Variants in PCDH9 observed in about 807,000 individuals in gnomAD.
The protein encoded by PCDH9 is protocadherin-9.
A neutral mutation model predicts 70.6 loss-of-function variants in PCDH9; 24 were observed. The observed-to-expected ratio is 0.34, with a 90% CI of 0.25 to 0.48. PCDH9 has a LOEUF of 0.48. Among genes scored for constraint, PCDH9 ranks in the 20% least tolerant of loss-of-function variants. PCDH9 has a pLI of 0.99. For missense variants in PCDH9, 1,281 were observed against 1,503.6 expected, an observed-to-expected ratio of 0.85 and a Z score of 2.45; for synonymous variants, 562 against 558.5, an observed-to-expected ratio of 1.01 and a Z score of -0.09.
At chr13:66,930,386 A>G (rs2082787414) in intron 2 of PCDH9, among the ~76,000 whole-genome samples, 1 of 152,190 alleles carries the variant, frequency 6.6e-6, no homozygotes, top group Admixed American at 6.5e-5. Context: ...AACTTCAACT[A>G]AAGATTATTT....
intron 3 of PCDH9, among the ~76,000 whole-genome samples, chr13:66,872,734 A>G (rs536998127): frequency 1.3e-5 from 2 of 152,288 alleles, no homozygotes; most frequent in African/African-American, 4.8e-5. Flanking sequence ...GTGGGATTCA[A>G]CTTGCAAGTC....
intron 3 of PCDH9, among the ~76,000 whole-genome samples, chr13:66,799,029 G>A (rs1284750973): frequency 1.3e-5 from 2 of 152,070 alleles, no homozygotes; most frequent in African/African-American, 4.8e-5. Context: ...TAGCCAGGTT[G>A]GTCTCAAACT....
rs369629041 is a variant in PCDH9, at chr13:67,184,587, G to A, written c.3036+40818C>T. 3.9e-5 allele frequency among the ~76,000 whole-genome samples: 6 copies of A among 152,152 alleles called. No individual in the cohort carries two copies. The East Asian group carries it at 5.8e-4, about 15-fold the overall frequency. ...CTATAAAAAAATAACAAAAATTAGC[G>A]GAGCTTAGAGGCACACAACTGTTGT... On this transcript the variant is annotated intron_variant, in intron 2 of 4. Coordinates refer to ENST00000377865, the MANE Select transcript of PCDH9 (RefSeq NM_203487.3).
chr13:66,674,298 G>C (rs2078214664), intron 3 of PCDH9, among the ~76,000 whole-genome samples: 1 of 151,978 alleles, frequency 6.6e-6, no homozygotes, highest in Admixed American at 6.6e-5. Flanking sequence ...TATTATCACT[G>C]TTATTTTGCT....
intron 3 of PCDH9, among the ~76,000 whole-genome samples, chr13:66,676,498 T>C (rs1173082005): frequency 6.6e-6 from 1 of 152,130 alleles, no homozygotes; most frequent in African/African-American, 2.4e-5. Context: ...AATTCTTATA[T>C]GACTTAAGAT....
intron 3 of PCDH9, among the ~76,000 whole-genome samples, chr13:66,802,047 A>C (rs1357786281): frequency 6.6e-6 from 1 of 151,770 alleles, no homozygotes; most frequent in Non-Finnish European, 1.5e-5. Flanking sequence ...AAGTGTCTTT[A>C]AGTGTGGGAG....
At chr13:66,937,390 T>A (rs1384139777) in intron 2 of PCDH9, among the ~76,000 whole-genome samples, 1 of 152,236 alleles carries the variant, frequency 6.6e-6, no homozygotes, top group Non-Finnish European at 1.5e-5. Context: ...AATAGAAAAT[T>A]GGGATCAGAT....
intron 4 of PCDH9, among the ~76,000 whole-genome samples, chr13:66,629,154 T>C (rs1373828362): frequency 6.6e-6 from 1 of 152,254 alleles, no homozygotes; most frequent in Non-Finnish European, 1.5e-5. Context: ...ATATTCTACC[T>C]AGAATTGCAC....
chr13:66,874,534 G>A (rs891229884), intron 3 of PCDH9, among the ~76,000 whole-genome samples: 2 of 152,122 alleles, frequency 1.3e-5, no homozygotes, highest in Non-Finnish European at 2.9e-5. Context: ...CTAAACTAGA[G>A]GCAGGGCAGC....
intron 3 of PCDH9, among the ~76,000 whole-genome samples, chr13:66,691,063 A>G (rs184339837): frequency 2.0e-5 from 3 of 152,062 alleles, no homozygotes; most frequent in Admixed American, 6.6e-5. Context: ...TTTGAGATGG[A>G]GTCTCACCCT....
chr13:66,343,659 G>A (rs1956166503), intron 4 of PCDH9, among the ~76,000 whole-genome samples: 1 of 152,214 alleles, frequency 6.6e-6, no homozygotes, highest in Admixed American at 6.5e-5. Flanking sequence ...ACGTGACTAA[G>A]TGCTCACATG....
At chr13:66,452,681 C>T (rs1731242243) in intron 4 of PCDH9, among the ~76,000 whole-genome samples, 1 of 152,050 alleles carries the variant, frequency 6.6e-6, no homozygotes, top group Non-Finnish European at 1.5e-5. Flanking sequence ...CAATTACTTT[C>T]TCAAAGTAAT....
At chr13:66,400,446 T>C (rs1957167340) in intron 4 of PCDH9, among the ~76,000 whole-genome samples, 2 of 152,096 alleles carry the variant, frequency 1.3e-5, no homozygotes, top group Non-Finnish European at 2.9e-5. Flanking sequence ...GCAAAATATA[T>C]CATCATCAGT....
At chr13:66,584,612 T>C (rs547184706) in intron 4 of PCDH9, among the ~76,000 whole-genome samples, 3 of 152,204 alleles carry the variant, frequency 2.0e-5, no homozygotes, top group Non-Finnish European at 4.4e-5. Flanking sequence ...TATATTTTTC[T>C]AGATCATTTC....
At chr13:66,733,209 A>C (rs1453094355) in intron 3 of PCDH9, among the ~76,000 whole-genome samples, 1 of 152,078 alleles carries the variant, frequency 6.6e-6, no homozygotes, top group East Asian at 1.9e-4. Flanking sequence ...GAGTGTTTTC[A>C]TTTACATAAT....
chr13:67,026,995 T>C (rs2084795639), intron 2 of PCDH9, among the ~76,000 whole-genome samples: 1 of 152,098 alleles, frequency 6.6e-6, no homozygotes, highest in African/African-American at 2.4e-5. Flanking sequence ...CTGCCCAAGG[T>C]AATTTATAGA....
chr13:66,516,815 GTCC>G (rs981982864), intron 4 of PCDH9, among the ~76,000 whole-genome samples: 2 of 151,758 alleles, frequency 1.3e-5, no homozygotes, highest in African/African-American at 4.8e-5. Context: ...AATCAAATTT[GTCC>G]TCCTCATCAA....
rs139798004 is a variant in PCDH9, at chr13:66,747,306, G to A, written c.3139-115895C>T. ...GTGAAGGTTGCAGTGAGCCAAGATC[G>A]CACCATTGCACTCCAGCCTGGGCAA... is the stretch of plus-strand genomic sequence containing the variant. On this transcript the variant is annotated intron_variant, in intron 3 of 4. Transcript: ENST00000377865. Among the ~76,000 whole-genome samples the A allele has an allele frequency of 6.1e-4, 93 of 152,206 alleles. 1 individual carries two copies. The East Asian group carries it at 0.016, about 26-fold the overall frequency.
intron 3 of PCDH9, among the ~76,000 whole-genome samples, chr13:66,792,158 T>A (rs1194612922): frequency 2.0e-5 from 3 of 152,180 alleles, no homozygotes; most frequent in Admixed American, 6.5e-5. Context: ...TTCTTGTTGG[T>A]CAATCTATTA....
Sources: allele counts gnomAD v4.1 joint callset (sites outside exome capture counted in the v4.1 genomes callset), GRCh38; gene constraint gnomAD v4.1.1; transcripts MANE v1.5; gene names NCBI Gene and HGNC (gene_info 2026-07-23, HGNC 2026-07-21).